Variants in FUT8 observed in about 807,000 individuals in gnomAD.
The protein encoded by FUT8 is fucosyltransferase 8.
In FUT8, 29 loss-of-function variants were observed where a neutral mutation model predicts 71.3. That is an observed-to-expected ratio of 0.41 (90% CI 0.30 to 0.55). FUT8 has a LOEUF of 0.55. Among genes scored for constraint, FUT8 ranks in the 20% least tolerant of loss-of-function variants. The probability of loss-of-function intolerance (pLI) is 0.34; values close to 1 mark genes in which losing one functional copy is unlikely to be tolerated. For synonymous variants in FUT8, 254 were observed against 239.3 expected, an observed-to-expected ratio of 1.06 and a Z score of -0.57; for missense variants, 544 against 702.1, an observed-to-expected ratio of 0.77 and a Z score of 2.55.
At chr14:65,476,056 A>G (rs1359815852) in intron 2 of FUT8, among the ~76,000 whole-genome samples, 4 of 152,160 alleles carry the variant, frequency 2.6e-5, no homozygotes, top group African/African-American at 9.7e-5. Context: ...GCACAGTCCC[A>G]AGAGAGAAAT....
chr14:65,557,886 A>G (rs988758421), intron 2 of FUT8, among the ~76,000 whole-genome samples: 1 of 152,182 alleles, frequency 6.6e-6, no homozygotes, highest in African/African-American at 2.4e-5. Context: ...AATTTGAACT[A>G]TTTTTACTAA....
At chr14:65,736,260 C>T (rs979275600) in intron 10 of FUT8, among the ~76,000 whole-genome samples, 2 of 152,018 alleles carry the variant, frequency 1.3e-5, no homozygotes, top group Non-Finnish European at 2.9e-5. Flanking sequence ...AACACATTAG[C>T]TGCTATTATT....
intron 3 of FUT8, among the ~76,000 whole-genome samples, chr14:65,576,181 TTTTGTTTG>T (rs539343166): frequency 6.6e-6 from 1 of 152,144 alleles, no homozygotes; most frequent in Non-Finnish European, 1.5e-5. Flanking sequence ...TTTCTCTGTT[TTTTGTTTG>T]TTTGTTTGTT....
intron 6 of FUT8, among the ~76,000 whole-genome samples, chr14:65,640,529 T>A (rs540956552): frequency 2.0e-5 from 3 of 152,230 alleles, no homozygotes; most frequent in Admixed American, 6.5e-5. Context: ...CATACAAAAG[T>A]AGAAATCTGT....
chr14:65,618,010 CA>C (rs1889376241), intron 5 of FUT8, among the ~76,000 whole-genome samples: 3 of 87,000 alleles, frequency 3.4e-5, no homozygotes, highest in South Asian at 3.8e-4. Context: ...AAAATTAATT[CA>C]TATATATATA....
the FUT8 span, among the ~76,000 whole-genome samples, chr14:65,368,688 A>AT: frequency 2.1e-5 from 3 of 145,772 alleles, no homozygotes; most frequent in Non-Finnish European, 4.5e-5. Flanking sequence ...CTCCCAGCTA[A>AT]TTTTTTGTAT....
At chr14:65,551,462 G>A (rs1399488822) in intron 2 of FUT8, among the ~76,000 whole-genome samples, 1 of 152,190 alleles carries the variant, frequency 6.6e-6, no homozygotes, top group African/African-American at 2.4e-5. Flanking sequence ...GAAATCTTTT[G>A]TACAGCGTGG....
chr14:65,709,894 A>G (rs1566909347), intron 7 of FUT8, among the ~76,000 whole-genome samples: 1 of 152,210 alleles, frequency 6.6e-6, no homozygotes, highest in Non-Finnish European at 1.5e-5. Flanking sequence ...TTAGGACAGG[A>G]TGGCAACTGT....
At chr14:65,488,249 A>G (rs1289881336) in intron 2 of FUT8, 4 of 152,246 alleles carry the variant, frequency 2.6e-5, no homozygotes, top group Non-Finnish European at 4.4e-5. Context: ...TGCAGCAGCT[A>G]TTTTAGTTGA....
chr14:65,551,467 G>A (rs1236022762), intron 2 of FUT8, among the ~76,000 whole-genome samples: 1 of 152,172 alleles, frequency 6.6e-6, no homozygotes, highest in African/African-American at 2.4e-5. Flanking sequence ...CTTTTGTACA[G>A]CGTGGTGCCT....
the FUT8 span, among the ~76,000 whole-genome samples, chr14:65,360,715 G>A: frequency 1.6e-4 from 25 of 152,204 alleles, no homozygotes; most frequent in African/African-American, 5.8e-4. Flanking sequence ...CTGTCAAATG[G>A]GAAGTTGGCT....
intron 3 of FUT8, among the ~76,000 whole-genome samples, chr14:65,576,094 T>C (rs1208240520): frequency 6.6e-5 from 10 of 152,222 alleles, no homozygotes; most frequent in Admixed American, 6.5e-4. Context: ...TCACTTGCTG[T>C]GAATAGTTGT....
intron 6 of FUT8, among the ~76,000 whole-genome samples, chr14:65,650,724 A>ACG (rs1891359510): frequency 1.3e-5 from 2 of 151,134 alleles, no homozygotes; most frequent in African/African-American, 4.9e-5. Flanking sequence ...AAAAAAAAAA[A>ACG]AAAAACAAAA....
intron 7 of FUT8, among the ~76,000 whole-genome samples, chr14:65,687,575 A>G (rs1353677428): frequency 6.6e-6 from 1 of 152,178 alleles, no homozygotes; most frequent in Non-Finnish European, 1.5e-5. Context: ...GCATATCTAT[A>G]TGTATTCTTT....
At position 65,467,588 on chromosome 14, in the gene FUT8, T is replaced by G. The variant is rs1207460181; in HGVS notation, c.-228+11870T>G. On this transcript the variant is annotated intron_variant, in intron 2 of 10. Coordinates refer to ENST00000673929, the MANE Select transcript of FUT8 (RefSeq NM_001371533.1). The surrounding 1 kb of genome is among the most constrained non-coding windows in gnomAD (Gnocchi z 4.1). ...ACCTCCTGGGTTCAAGCGATCCTCC[T>G]GCCTCAGCCTCCTGAGTAGCTGGAA... 6.6e-6 allele frequency among the ~76,000 whole-genome samples: 1 copy of G among 152,196 alleles called. No individual in the cohort carries two copies. The highest frequency in any genetic ancestry group is 1.5e-5 in the Non-Finnish European group (1 of 68,032).
At chr14:65,605,250 A>G (rs1888520703) in intron 3 of FUT8, among the ~76,000 whole-genome samples, 1 of 151,852 alleles carries the variant, frequency 6.6e-6, no homozygotes, top group Non-Finnish European at 1.5e-5. Flanking sequence ...ATTCAGCAAT[A>G]TTTTCTAAAC....
intron 1 of FUT8, among the ~76,000 whole-genome samples, chr14:65,432,136 G>C (rs1389290079): frequency 6.6e-6 from 1 of 152,038 alleles, no homozygotes; most frequent in African/African-American, 2.4e-5. Flanking sequence ...TAACTTTGCT[G>C]TCCTCTTGGC....
intron 3 of FUT8, among the ~76,000 whole-genome samples, chr14:65,604,879 A>G (rs1443496402): frequency 1.3e-5 from 2 of 152,008 alleles, no homozygotes; most frequent in East Asian, 1.9e-4. Context: ...AGTGTTGTGC[A>G]TACCTCCTGT....
intron 2 of FUT8, among the ~76,000 whole-genome samples, chr14:65,466,485 C>T (rs984359844): frequency 1.3e-5 from 2 of 152,186 alleles, no homozygotes; most frequent in African/African-American, 2.4e-5. Flanking sequence ...GATGGTTGCT[C>T]ATGCCTGTAA....
Sources: allele counts gnomAD v4.1 joint callset (sites outside exome capture counted in the v4.1 genomes callset), GRCh38; gene constraint gnomAD v4.1.1; non-coding constraint Gnocchi (gnomAD v3.1); transcripts MANE v1.5; gene names NCBI Gene and HGNC (gene_info 2026-07-23, HGNC 2026-07-21).